Variants in CD247 observed in about 807,000 individuals in gnomAD.
CD247 encodes T-cell surface glycoprotein CD3 zeta chain.
A neutral mutation model predicts 30.0 loss-of-function variants in CD247; 13 were observed. The observed-to-expected ratio is 0.43, with a 90% confidence interval of 0.28 to 0.69. The LOEUF (loss-of-function observed/expected upper bound fraction) is 0.69. Ranked by LOEUF, CD247 falls within the 30% of genes least tolerant of loss-of-function variation. CD247 has a pLI of 0.16. For missense variants in CD247, 193 were observed against 212.6 expected (o/e 0.91, Z 0.57); for synonymous variants, 72 against 80.0 (o/e 0.90, Z 0.53).
At chr1:167,464,467 C>T (rs1278506764) in intron 1 of CD247, among the ~76,000 whole-genome samples, 3 of 152,132 alleles carry the variant, frequency 2.0e-5, no homozygotes, top group Non-Finnish European at 4.4e-5. Flanking sequence ...GGGTTGCTTC[C>T]TCCAAGAACG....
intron 1 of CD247, among the ~76,000 whole-genome samples, chr1:167,451,282 A>G (rs1236657153): frequency 6.6e-6 from 1 of 152,236 alleles, no homozygotes; most frequent in Non-Finnish European, 1.5e-5. Flanking sequence ...ACAAGGACAC[A>G]TTATGTTTTT....
intron 1 of CD247, among the ~76,000 whole-genome samples, chr1:167,463,491 T>A (rs1419935052): frequency 1.3e-5 from 2 of 152,184 alleles, no homozygotes; most frequent in Non-Finnish European, 2.9e-5. Context: ...ACACATACAC[T>A]TATTCACAAA....
At chr1:167,495,723 C>T (rs1654663819) in intron 1 of CD247, among the ~76,000 whole-genome samples, 1 of 152,204 alleles carries the variant, frequency 6.6e-6, no homozygotes, top group Non-Finnish European at 1.5e-5. Flanking sequence ...GCCTTCCCCT[C>T]ACTCATACCA....
At chr1:167,475,947 A>G (rs1653727662) in intron 1 of CD247, among the ~76,000 whole-genome samples, 1 of 152,238 alleles carries the variant, frequency 6.6e-6, no homozygotes, top group South Asian at 2.1e-4. Context: ...TGATGATATT[A>G]AGGAATTACT....
chr1:167,486,967 G>A (rs1654234175), intron 1 of CD247, among the ~76,000 whole-genome samples: 1 of 151,022 alleles, frequency 6.6e-6, no homozygotes, highest in Non-Finnish European at 1.5e-5. Flanking sequence ...CCAGCTACTT[G>A]GGAGGCTGAG....
At chr1:167,516,341 T>C (rs1228891288) in intron 1 of CD247, among the ~76,000 whole-genome samples, 2 of 152,254 alleles carry the variant, frequency 1.3e-5, no homozygotes, top group Non-Finnish European at 2.9e-5. Context: ...GTAGATTCTC[T>C]CTCAGGGAGG....
At chr1:167,513,311 AAGAT>A (rs72268426) in intron 1 of CD247, among the ~76,000 whole-genome samples, 18,349 of 152,204 alleles carry the variant, frequency 0.12, 1,194 homozygotes, top group South Asian at 0.23. Context: ...TAACTATAAA[AAGAT>A]AGTAAAATTT....
intron 1 of CD247, among the ~76,000 whole-genome samples, chr1:167,478,417 T>C (rs977952583): frequency 2.0e-5 from 3 of 152,236 alleles, no homozygotes; most frequent in Admixed American, 6.5e-5. Flanking sequence ...TTGAGGACTT[T>C]AAAGCTGCTT....
chr1:167,506,892 A>ATT (rs10587631), intron 1 of CD247, among the ~76,000 whole-genome samples: 1,634 of 97,980 alleles, frequency 0.017, 48 homozygotes, highest in African/African-American at 0.036. Context: ...GTTCCCTCTG[A>ATT]TTTTTTTTTT....
intron 1 of CD247, among the ~76,000 whole-genome samples, chr1:167,466,320 C>T (rs758879023): frequency 3.3e-5 from 5 of 152,040 alleles, no homozygotes; most frequent in Non-Finnish European, 7.4e-5. Context: ...ACTCTGATAG[C>T]CTTTAGAAAA....
chr1:167,496,884 C>T (rs10918706), intron 1 of CD247, among the ~76,000 whole-genome samples: 37,002 of 152,050 alleles, frequency 0.24, 5,093 homozygotes, highest in South Asian at 0.45. Flanking sequence ...AGCCCTGGAA[C>T]TTAGGAATCT....
At chr1:167,462,328 G>T (rs1653058458) in intron 1 of CD247, among the ~76,000 whole-genome samples, 1 of 152,224 alleles carries the variant, frequency 6.6e-6, no homozygotes, top group Admixed American at 6.5e-5. Flanking sequence ...CCATAGAAGA[G>T]GCCTCTGTGG....
chr1:167,494,607 T>C lies in CD247; in HGVS notation c.58+23801A>G, dbSNP rs780279597. Among the ~76,000 whole-genome samples, 93 of 152,298 alleles carry C rather than the reference T, an allele frequency of 6.1e-4. No homozygotes were observed. The highest frequency in any genetic ancestry group is 3.4e-3 in the Middle Eastern group (1 of 294). ...GCACCATTCAAAGCTACAGTGGTCT[T>C]ATTGCTGTGTTTTCCTAATTGTATT... On this transcript the variant is annotated intron_variant, in intron 1 of 7. Transcript: ENST00000362089. This position sits in a 1 kb window ranked among gnomAD's most constrained non-coding sequence, Gnocchi z 7.3.
chr1:167,497,487 C>T (rs2102091269), intron 1 of CD247, among the ~76,000 whole-genome samples: 1 of 152,220 alleles, frequency 6.6e-6, no homozygotes, highest in South Asian at 2.1e-4. Flanking sequence ...GCTTAGTTCT[C>T]GTTTTCTTTA....
At chr1:167,482,253 C>T (rs1257546748) in intron 1 of CD247, among the ~76,000 whole-genome samples, 1 of 152,210 alleles carries the variant, frequency 6.6e-6, no homozygotes, top group South Asian at 2.1e-4. Flanking sequence ...CATCTCCTTT[C>T]TCAGTGACCT....
chr1:167,438,446 T>A (rs1163383675), intron 4 of CD247, 124 bp downstream of exon 4: 1 of 811,006 alleles, frequency 1.2e-6, no homozygotes, highest in Non-Finnish European at 2.2e-6. Flanking sequence ...TCTTCTCTTG[T>A]CCTGGGCCCA....
At chr1:167,477,238 G>A (rs944651884) in intron 1 of CD247, among the ~76,000 whole-genome samples, 1 of 152,214 alleles carries the variant, frequency 6.6e-6, no homozygotes, top group Non-Finnish European at 1.5e-5. Context: ...AGAGAAAATA[G>A]GAGCGGCTGG....
intron 1 of CD247, among the ~76,000 whole-genome samples, chr1:167,516,664 C>T (rs1214574705): frequency 1.4e-4 from 22 of 152,192 alleles, no homozygotes; most frequent in Non-Finnish European, 1.5e-4. Context: ...TTTTGAAACA[C>T]TTTTGTCTAT....
intron 1 of CD247, among the ~76,000 whole-genome samples, chr1:167,515,517 G>A (rs544006564): frequency 3.2e-4 from 49 of 152,312 alleles, no homozygotes; most frequent in Admixed American, 1.2e-3. Flanking sequence ...ATGGGGCACA[G>A]CCCCCATCTT....
Sources: gnomAD v4.1 joint callset for allele counts (sites outside exome capture counted in the v4.1 genomes callset) on GRCh38, gnomAD v4.1.1 for gene constraint, Gnocchi (gnomAD v3.1) non-coding constraint, MANE v1.5 for transcripts, NCBI Gene and HGNC (gene_info 2026-07-23, HGNC 2026-07-21) for gene names.